Variants in ITGB3 observed in about 807,000 individuals in gnomAD.
The protein encoded by ITGB3 is integrin subunit beta 3.
Under a neutral mutation model 85.8 loss-of-function variants are expected in ITGB3, and 48 were observed. That is an observed-to-expected ratio of 0.56 (90% confidence interval 0.44 to 0.71). The LOEUF is 0.71. Ranked by LOEUF, ITGB3 falls within the 30% of genes least tolerant of loss-of-function variation. The pLI, the probability that ITGB3 is intolerant of heterozygous loss-of-function variation, is 0.00. For missense variants in ITGB3, 861 were observed against 1,019.1 expected (o/e 0.84, Z 2.11); for synonymous variants, 363 against 395.6 (o/e 0.92, Z 0.98).
At chr17:47,285,124 A>G (rs56187467) in intron 4 of ITGB3, among the ~76,000 whole-genome samples, 5,942 of 152,338 alleles carry the variant, frequency 0.039, 191 homozygotes, top group East Asian at 0.1. Flanking sequence ...GCTAAGGAAT[A>G]TAAAAGAGTG....
At chr17:47,260,972 G>T (rs1042275874) in intron 1 of ITGB3, among the ~76,000 whole-genome samples, 1 of 152,064 alleles carries the variant, frequency 6.6e-6, no homozygotes, top group Admixed American at 6.6e-5. Flanking sequence ...TTTATTTGTG[G>T]TGAGAACACT....
chr17:47,294,399 G>T (rs80105155), intron 10 of ITGB3, among the ~76,000 whole-genome samples: 6,261 of 152,334 alleles, frequency 0.041, 189 homozygotes, highest in Middle Eastern at 0.13. Flanking sequence ...TCCTGGTCTG[G>T]TGTGAGGCAC....
chr17:47,306,751 G>T (rs2065189613), intron 13 of ITGB3, among the ~76,000 whole-genome samples: 1 of 151,970 alleles, frequency 6.6e-6, no homozygotes, highest in Admixed American at 6.6e-5. Flanking sequence ...TGTGATCTCG[G>T]TTCACTGCAA....
intron 1 of ITGB3, among the ~76,000 whole-genome samples, chr17:47,258,103 A>G (rs2064996578): frequency 6.6e-6 from 1 of 152,162 alleles, no homozygotes; most frequent in Non-Finnish European, 1.5e-5. Context: ...AAGACAGATA[A>G]TTAACCGAGG....
At chr17:47,296,406 T>A (rs562353716) in intron 10 of ITGB3, among the ~76,000 whole-genome samples, 5 of 152,202 alleles carry the variant, frequency 3.3e-5, no homozygotes, top group Non-Finnish European at 5.9e-5. Context: ...GATAATTTTT[T>A]AAAAATTTGT....
rs928021640 is a variant in ITGB3, at chr17:47,300,539, C to T, written c.1975C>T (p.Arg659Cys). ...CCTACATGACGAAAATACCTGCAAC[C>T]GTTACTGCCGTGACGAGATTGAGTC... ...GALHDENTCN[R>C]YCRDEIESVK... is the part of the protein sequence containing the mutation. The change falls in exon 12 of 15, where the codon CGT becomes TGT. Residue 659 changes from arginine (R) to cysteine (C), a missense_variant. Physicochemically the swap from Arg to Cys is radical, Grantham distance 180 (BLOSUM62 -3). Coordinates refer to ENST00000559488, the MANE Select transcript of ITGB3 (RefSeq NM_000212.3). The T allele has an allele frequency of 1.9e-6, 3 of 1,614,072 alleles. No homozygotes were observed. Among genetic ancestry groups the T allele is most frequent in the Non-Finnish European group, 1.7e-6 (2 of 1,179,968 alleles).
intron 12 of ITGB3, 63 bp downstream of exon 12, chr17:47,300,641 A>G (rs1332921866): frequency 3.2e-6 from 4 of 1,242,228 alleles, no homozygotes; most frequent in East Asian, 2.4e-5. Flanking sequence ...ATTCAATCCC[A>G]GAACCTATCC....
chr17:47,253,853 G>A lies in ITGB3; in HGVS notation c.-9G>A. The A allele has an allele frequency of 2.5e-6, 3 of 1,218,146 alleles. No homozygotes were observed. The highest frequency in any genetic ancestry group is 2.0e-6 in the Non-Finnish European group (2 of 979,200). The allele number at this position is 1,218,146 out of a possible 1,614,324, so 75.5% of individuals were successfully genotyped here. On this transcript the variant is annotated 5_prime_UTR_variant, in exon 1 of 15. Transcript: ENST00000559488. The stretch of plus-strand genomic sequence containing the variant: ...TGGGGCGGGCGGAGCGCCGCGGGAG[G>A]CGGACGAGATGCGAGCGCGGCCGCG...
Position 47,299,537 on chromosome 17 carries a change from G to T in ITGB3, c.1913+7G>T, listed in dbSNP as rs757717190. ...ATGCCTGCACCTTTAAGAAGTGAGT[G>T]TGGAGTCTGGAGAGAGCCGGGAGGC... On this transcript the variant is annotated splice_region_variant and intron_variant, in intron 11 of 14. Coordinates refer to ENST00000559488, the MANE Select transcript of ITGB3 (RefSeq NM_000212.3). This position sits in a 1 kb window ranked among gnomAD's most constrained non-coding sequence, Gnocchi z 5.1. 6.2e-7 allele frequency: 1 copy of T among 1,613,348 alleles called. No homozygotes were observed. The highest frequency in any genetic ancestry group is 1.1e-5 in the South Asian group (1 of 91,068).
At chr17:47,275,384 C>G (rs1217670577) in intron 2 of ITGB3, among the ~76,000 whole-genome samples, 1 of 149,462 alleles carries the variant, frequency 6.7e-6, no homozygotes, top group African/African-American at 2.5e-5. Context: ...TTGGAGCTGG[C>G]AAGAGCTGAT....
chr17:47,280,915 A>G (rs1173097827), intron 2 of ITGB3, among the ~76,000 whole-genome samples: 3 of 152,118 alleles, frequency 2.0e-5, no homozygotes, highest in African/African-American at 7.2e-5. Flanking sequence ...AGCTTATTTT[A>G]TGATGATAAT....
At chr17:47,281,332 T>C (rs957174975) in intron 2 of ITGB3, among the ~76,000 whole-genome samples, 1 of 152,222 alleles carries the variant, frequency 6.6e-6, no homozygotes, top group Non-Finnish European at 1.5e-5. Context: ...TCCAGCTTCC[T>C]GGCTGGTCCC....
At chr17:47,300,440 C>T in intron 11 of ITGB3, 38 bp from the exon 12 acceptor site, 1 of 1,503,184 alleles carries the variant, frequency 6.7e-7, no homozygotes, top group Non-Finnish European at 9.3e-7. Flanking sequence ...TAGGCTTGCT[C>T]CTTCTTTGCC....
chr17:47,288,978 C>A (rs566018662), intron 6 of ITGB3, among the ~76,000 whole-genome samples: 1 of 152,050 alleles, frequency 6.6e-6, no homozygotes, highest in African/African-American at 2.4e-5. Flanking sequence ...AAGCTAGGCC[C>A]TAAGAAAGGA....
At chr17:47,284,760 C>T (rs965751406) in intron 4 of ITGB3, 65 bp downstream of exon 4, 4 of 1,594,704 alleles carry the variant, frequency 2.5e-6, no homozygotes, top group African/African-American at 2.7e-5. Flanking sequence ...GTCCTGGTTC[C>T]TATTTCTAGC....
At position 47,312,974 on chromosome 17, in the gene ITGB3, G is replaced by A. The variant is rs941091180; in HGVS notation, c.*2770G>A. On this transcript the variant is annotated 3_prime_UTR_variant, in exon 15 of 15. Transcript: ENST00000559488. ...TCTCTGAGATTCCCAGGTCATCCAT[G>A]ATTTTTTTTTTAATTTGAGACAAAG... Among the ~76,000 whole-genome samples the A allele has an allele frequency of 2.6e-5, 4 of 152,036 alleles. No homozygotes were observed. Among genetic ancestry groups the A allele is most frequent in the African/African-American group, 9.7e-5 (4 of 41,406 alleles).
At chr17:47,276,086 T>A (rs1292600581) in intron 2 of ITGB3, among the ~76,000 whole-genome samples, 4 of 152,148 alleles carry the variant, frequency 2.6e-5, no homozygotes, top group African/African-American at 9.7e-5. Context: ...GCCGAAAGCC[T>A]TCAGGAGCAG....
At position 47,287,105 on chromosome 17, in the gene ITGB3, GC is replaced by G. The variant is rs780737952; in HGVS notation, c.814del (p.Leu272TrpfsTer11). On this transcript the variant is annotated frameshift_variant, in exon 6 of 15. Coordinates refer to ENST00000559488, the MANE Select transcript of ITGB3 (RefSeq NM_000212.3). LOFTEE classifies it high-confidence loss of function. The part of the protein sequence containing the change: ...IGWRNDASHL[L>X]VFTTDAKTHI... ...GCTGGAGGAATGATGCATCCCACTTGCTGGTGTTTACCACTGATGCCAAGAC... is the reference window on the plus strand; with the variant it reads ...GCTGGAGGAATGATGCATCCCACTTGTGGTGTTTACCACTGATGCCAAGAC... 1.9e-6 allele frequency: 3 copies of G among 1,614,086 alleles called. No individual in the cohort carries two copies.
At position 47,285,078 on chromosome 17, in the gene ITGB3, G is replaced by A. The variant is rs139271241; in HGVS notation, c.614+383G>A. Among the ~76,000 whole-genome samples, 345 of 152,324 alleles carry A rather than the reference G, an allele frequency of 2.3e-3. 1 individual carries two copies. Among genetic ancestry groups the A allele is most frequent in the African/African-American group, 7.9e-3 (328 of 41,570 alleles). The stretch of plus-strand genomic sequence containing the variant: ...TGGCATTATTGTCTTCATCAAGGCC[G>A]TGCATCCTGCAGGGTGAAAACAGAA... On this transcript the variant is annotated intron_variant, in intron 4 of 14. Coordinates refer to ENST00000559488, the MANE Select transcript of ITGB3 (RefSeq NM_000212.3).
Sources: allele counts gnomAD v4.1 joint callset (sites outside exome capture counted in the v4.1 genomes callset), GRCh38; gene constraint gnomAD v4.1.1; non-coding constraint Gnocchi (gnomAD v3.1); transcripts MANE v1.5; gene names NCBI Gene and HGNC (gene_info 2026-07-23, HGNC 2026-07-21).